Variants in ROS1 observed in about 807,000 individuals in gnomAD.
ROS1 encodes proto-oncogene tyrosine-protein kinase ROS.
A neutral mutation model predicts 273.5 loss-of-function variants in ROS1; 263 were observed. The observed-to-expected ratio is 0.96, with a 90% CI of 0.87 to 1.06. The LOEUF is 1.06. Among genes scored for constraint, ROS1 ranks in the 50% least tolerant of loss-of-function variants. The probability of loss-of-function intolerance (pLI) is 0.00; values close to 1 mark genes in which losing one functional copy is unlikely to be tolerated. For synonymous variants in ROS1, 1,008 were observed against 954.1 expected (o/e 1.06, Z -1.04); for missense variants, 2,833 against 2,751.1 (o/e 1.03, Z -0.67).
intron 5 of ROS1, among the ~76,000 whole-genome samples, chr6:117,406,341 C>T (rs377521923): frequency 3.3e-5 from 5 of 151,936 alleles, no homozygotes; most frequent in Admixed American, 1.3e-4. Context: ...GCATACTCAC[C>T]GATAAATGAC....
chr6:117,425,737 T>A lies in ROS1; in HGVS notation c.-81A>T. 1.4e-6 allele frequency: 2 copies of A among 1,451,800 alleles called. No homozygotes were observed. Among genetic ancestry groups the A allele is most frequent in the Non-Finnish European group, 1.9e-6 (2 of 1,051,082 alleles). The allele number at this position is 1,451,800 out of a possible 1,614,324, so 89.9% of individuals were successfully genotyped here. A position where few individuals can be genotyped will look rare whatever the true frequency, so the allele number is the denominator to read the frequency against. On this transcript the variant is annotated 5_prime_UTR_variant, in exon 1 of 44. Transcript: ENST00000368507. ...TATGAATTATTTGGGCTTCATCACTTCAATTGGAGGAGTAGCTGATGGATT... is the reference window on the plus strand; with the variant it reads ...TATGAATTATTTGGGCTTCATCACTACAATTGGAGGAGTAGCTGATGGATT...
chr6:117,366,495 C>T (rs544591900), intron 18 of ROS1, among the ~76,000 whole-genome samples: 64 of 151,980 alleles, frequency 4.2e-4, no homozygotes, highest in Admixed American at 3.9e-3. Flanking sequence ...AGTAGTAGAC[C>T]TAAAGTAAAT....
At chr6:117,301,546 TC>T (rs894233277) in intron 42 of ROS1, 2 of 158,554 alleles carry the variant, frequency 1.3e-5, no homozygotes, top group Non-Finnish European at 2.8e-5. Context: ...CCTCCAGTGT[TC>T]CATGCGTAAC....
intron 43 of ROS1, among the ~76,000 whole-genome samples, chr6:117,292,798 T>C (rs2128525355): frequency 6.6e-6 from 1 of 152,342 alleles, no homozygotes; most frequent in Non-Finnish European, 1.5e-5. Flanking sequence ...CTCCTTTCTC[T>C]TTTTTACGCA....
At position 117,383,382 on chromosome 6, in the gene ROS1, T is replaced by C. The variant is rs748595080; in HGVS notation, c.2416A>G (p.Ser806Gly). The change falls in exon 17 of 44, where the codon AGC (serine) becomes GGC (glycine). Residue 806 changes from serine to glycine, a missense_variant. Ser to Gly is a moderately conservative substitution (Grantham distance 56). Coordinates refer to ENST00000368507, the MANE Select transcript of ROS1 (RefSeq NM_001378902.1). ...GAACTTTCCCCATTTAGTCTGGTGC[T>C]TTCCACTGAATAGAGTGTGGTCCAG... is the stretch of plus-strand genomic sequence containing the variant. Reference protein sequence around the residue: ...LYWTTLYSVESTRLNGESSLV... With the variant: ...LYWTTLYSVEGTRLNGESSLV... 1.2e-6 allele frequency: 2 copies of C among 1,614,116 alleles called. No homozygotes were observed. Among genetic ancestry groups the C allele is most frequent in the Non-Finnish European group, 1.7e-6 (2 of 1,179,958 alleles).
At chr6:117,364,906 G>A (rs943398402) in intron 21 of ROS1, among the ~76,000 whole-genome samples, 154 bp downstream of exon 21, 3 of 152,096 alleles carry the variant, frequency 2.0e-5, no homozygotes, top group Admixed American at 1.3e-4. Flanking sequence ...TGTTAATGAC[G>A]CTATTCTAAT....
At position 117,403,143 on chromosome 6, in the gene ROS1, A is replaced by G; in HGVS notation, c.600T>C (p.His200=). ...AGAAATGTGTGCACACCATACCTCC[A>G]TGAGGATGAGTCCTGTAACTGGGAC... is the stretch of plus-strand genomic sequence containing the variant. The part of the protein sequence containing the change: ...PPSPSYRTHP[H]GVPETAPLIR... Residue 200 remains histidine (H), a synonymous_variant, in exon 7 of 44, where the codon CAT becomes CAC. Coordinates refer to ENST00000368507, the MANE Select transcript of ROS1 (RefSeq NM_001378902.1). The G allele has an allele frequency of 3.7e-6, 6 of 1,613,890 alleles. No homozygotes were observed. The highest frequency in any genetic ancestry group is 5.1e-6 in the Non-Finnish European group (6 of 1,179,908).
At position 117,389,762 on chromosome 6, in the gene ROS1, A is replaced by G. The variant is rs991299652; in HGVS notation, c.1374T>C (p.Ile458=). The G allele has an allele frequency of 1.4e-5, 23 of 1,614,200 alleles. No individual in the cohort carries two copies. In the Middle Eastern group the frequency reaches 3.3e-3, roughly 232 times the overall value. ...PSGRCAEAVR[I]VESCTLKDFA... ...AGTCCTTTAACGTGCAACTCTCCAC[A>G]ATACGCACAGCTTCTGCACACCGGC... The change falls in exon 13 of 44, where the codon ATT becomes ATC. Residue 458 remains isoleucine (I), a synonymous_variant. Transcript: ENST00000368507.
intron 18 of ROS1, among the ~76,000 whole-genome samples, chr6:117,371,964 C>A (rs537224327): frequency 6.6e-6 from 1 of 152,226 alleles, no homozygotes; most frequent in Admixed American, 6.5e-5. Flanking sequence ...CCTGCCCCAA[C>A]TGAGGGTCTT....
chr6:117,349,324 A>G (rs943658857), intron 27 of ROS1, among the ~76,000 whole-genome samples: 2 of 151,976 alleles, frequency 1.3e-5, no homozygotes, highest in Non-Finnish European at 2.9e-5. Context: ...TCATTATGTA[A>G]TGTCCCTCTT....
intron 42 of ROS1, among the ~76,000 whole-genome samples, chr6:117,306,533 A>G (rs1775115944): frequency 6.6e-6 from 1 of 152,144 alleles, no homozygotes; most frequent in African/African-American, 2.4e-5. Context: ...ATCTCAGGCT[A>G]TGGAGAGAAG....
chr6:117,387,901 T>C lies in ROS1; in HGVS notation c.1878A>G (p.Gly626=). 6.2e-7 allele frequency: 1 copy of C among 1,614,204 alleles called. No individual in the cohort carries two copies. Among genetic ancestry groups the C allele is most frequent in the Non-Finnish European group, 8.5e-7 (1 of 1,180,026 alleles). Residue 626 remains glycine (G), a synonymous_variant, in exon 14 of 44, where the codon GGA becomes GGG. Transcript: ENST00000368507. ...EVTHIFLNIS[G]TMLNVPELQS... is the part of the protein sequence containing the mutation. ...GCAGCTCAGGTACATTCAGCATGGT[T>C]CCACTTATGTTCAAGAAAATATGAG... is the stretch of plus-strand genomic sequence containing the variant.
At position 117,394,278 on chromosome 6, in the gene ROS1, C is replaced by A; in HGVS notation, c.1075G>T (p.Ala359Ser). The change falls in exon 11 of 44, where the codon GCT (alanine) becomes TCT (serine). Residue 359 changes from alanine to serine, a missense_variant. Ala to Ser is a moderately conservative substitution (Grantham distance 99). Transcript: ENST00000368507. ...TCAGATACATCAGACATGTTGGCAG[C>A]CTTCTTCGCCCATATGAGAGTTCCT... The part of the protein sequence containing the change: ...SEGTLIWAKK[A>S]ANMSDVSDLR... 25 of 1,610,122 alleles carry A rather than the reference C, an allele frequency of 1.6e-5. No individual in the cohort carries two copies. The highest frequency in any genetic ancestry group is 2.1e-5 in the Non-Finnish European group (25 of 1,178,720).
intron 32 of ROS1, among the ~76,000 whole-genome samples, chr6:117,331,054 A>G (rs1777046169): frequency 6.6e-6 from 1 of 152,226 alleles, no homozygotes; most frequent in Non-Finnish European, 1.5e-5. Flanking sequence ...GAGCTAAAGG[A>G]GTATGTTCTA....
At chr6:117,392,547 C>T (rs1262989954) in intron 12 of ROS1, among the ~76,000 whole-genome samples, 1 of 152,102 alleles carries the variant, frequency 6.6e-6, no homozygotes, top group Non-Finnish European at 1.5e-5. Context: ...AAAATACATG[C>T]ACAATAAATA....
At chr6:117,404,482 A>C in intron 5 of ROS1, 54 bp from the exon 6 acceptor site, 1 of 1,554,440 alleles carries the variant, frequency 6.4e-7, no homozygotes, top group African/African-American at 1.4e-5. Flanking sequence ...TCAGCGCAAG[A>C]GAGTGTGTGC....
chr6:117,342,554 A>AT lies in ROS1; in HGVS notation c.4507-11dup. 7.6e-6 allele frequency: 11 copies of AT among 1,450,728 alleles called. No homozygotes were observed. The highest frequency in any genetic ancestry group is 9.3e-6 in the Non-Finnish European group (10 of 1,079,080). The allele number at this position is 1,450,728 out of a possible 1,614,324, so 89.9% of individuals were successfully genotyped here. A position where few individuals can be genotyped will look rare whatever the true frequency, so the allele number is the denominator to read the frequency against. Reference sequence around the variant, plus strand: ...TACTGTCCTGAAATTCCTGTAATTGATTTTTTAAAAATCAACATCTTATTT... The same window carrying AT: ...TACTGTCCTGAAATTCCTGTAATTGATTTTTTTAAAAATCAACATCTTATTT... On this transcript the variant is annotated splice_polypyrimidine_tract_variant and intron_variant, in intron 28 of 43. Transcript: ENST00000368507.
intron 27 of ROS1, among the ~76,000 whole-genome samples, chr6:117,349,814 A>G (rs1459196478): frequency 6.6e-6 from 1 of 152,056 alleles, no homozygotes; most frequent in Non-Finnish European, 1.5e-5. Flanking sequence ...GTCCACCTTC[A>G]AACAACACTA....
intron 1 of ROS1, among the ~76,000 whole-genome samples, chr6:117,423,683 C>A (rs1775926665): frequency 6.6e-6 from 1 of 150,474 alleles, no homozygotes. Context: ...TATTTTTGGA[C>A]AAGACATTCT....
Sources: gnomAD v4.1 joint callset for allele counts (sites outside exome capture counted in the v4.1 genomes callset) on GRCh38, gnomAD v4.1.1 for gene constraint, MANE v1.5 for transcripts, NCBI Gene and HGNC (gene_info 2026-07-23, HGNC 2026-07-21) for gene names.